The following CYB5R3 variants were observed in gnomAD, a reference collection of about 807,000 sequenced individuals.
CYB5R3 encodes NADH-cytochrome b5 reductase 3.
CYB5R3 carries 28 observed loss-of-function variants against 36.5 expected under a neutral mutation model. The ratio of observed to expected loss-of-function variants is 0.77; its 90% CI spans 0.57 to 1.05. The LOEUF (loss-of-function observed/expected upper bound fraction) is 1.05, where lower values mean the gene tolerates loss of function less well. Ranked by LOEUF, CYB5R3 falls within the 50% of genes least tolerant of loss-of-function variation. The pLI, the probability that CYB5R3 is intolerant of heterozygous loss-of-function variation, is 0.00. For missense variants in CYB5R3, 474 were observed against 408.9 expected, an observed-to-expected ratio of 1.16 and a Z score of -1.37; for synonymous variants, 181 against 159.8, an observed-to-expected ratio of 1.13 and a Z score of -1.00.
chr22:42,622,848 G>A (rs1226109466), intron 8 of CYB5R3, among the ~76,000 whole-genome samples: 1 of 152,260 alleles, frequency 6.6e-6, no homozygotes, highest in Non-Finnish European at 1.5e-5. Flanking sequence ...AGGGGCAGAT[G>A]GCAGGACATG....
In CYB5R3 at chr22:42,631,462, C is replaced by A; in HGVS notation, c.154-12G>T. 1 of 1,551,562 alleles carries A rather than the reference C, an allele frequency of 6.4e-7. No homozygotes were observed. Among genetic ancestry groups the A allele is most frequent in the South Asian group, 1.2e-5 (1 of 84,056 alleles). On this transcript the variant is annotated splice_polypyrimidine_tract_variant and intron_variant, in intron 2 of 8. Transcript: ENST00000352397. ...TCATGGCTGATGATCTGGAGAGAGG[C>A]CCAAAGCTGCTGAACGGTCCCCAGG...
chr22:42,643,802 A>T (rs1300571208), intron 1 of CYB5R3, among the ~76,000 whole-genome samples: 1 of 152,124 alleles, frequency 6.6e-6, no homozygotes, highest in Non-Finnish European at 1.5e-5. Context: ...CCAGCTAAGG[A>T]TGGCAGGAGA....
At position 42,627,295 on chromosome 22, in the gene CYB5R3, C is replaced by T. The variant is rs555699251; in HGVS notation, c.633+9G>A. The T allele has an allele frequency of 5.0e-6, 8 of 1,612,914 alleles. No homozygotes were observed. The East Asian group carries it at 1.3e-4, about 27-fold the overall frequency. ...GCTGAGTTTCCCCATCATGGGGATG[C>T]CCACTGACCTGGTTGGCAAAGAGCA... On this transcript the variant is annotated intron_variant, in intron 7 of 8. Coordinates refer to ENST00000352397, the MANE Select transcript of CYB5R3 (RefSeq NM_000398.7).
Position 42,649,363 on chromosome 22 carries a change from A to C in CYB5R3, c.-48T>G. The C allele has an allele frequency of 1.3e-6, 1 of 746,452 alleles. No individual in the cohort carries two copies. The highest frequency in any genetic ancestry group is 1.7e-6 in the Non-Finnish European group (1 of 600,710). The allele number at this position is 746,452 out of a possible 1,614,324, so 46.2% of individuals were successfully genotyped here. On this transcript the variant is annotated 5_prime_UTR_variant, in exon 1 of 9. Coordinates refer to ENST00000352397, the MANE Select transcript of CYB5R3 (RefSeq NM_000398.7). ...TCTGTCGCCGCCGCCGCCGCCGCCGAGACCGTCGCGCCCGGGCCCGCGTCA... is the reference window on the plus strand; with the variant it reads ...TCTGTCGCCGCCGCCGCCGCCGCCGCGACCGTCGCGCCCGGGCCCGCGTCA...
In CYB5R3 at chr22:42,619,665, G is replaced by T; in HGVS notation, c.*108C>A. 9.1e-7 allele frequency: 1 copy of T among 1,104,486 alleles called. No individual in the cohort carries two copies. The highest frequency in any genetic ancestry group is 1.3e-6 in the Non-Finnish European group (1 of 774,054). The allele number at this position is 1,104,486 out of a possible 1,614,324, so 68.4% of individuals were successfully genotyped here. A position where few individuals can be genotyped will look rare whatever the true frequency, so the allele number is the denominator to read the frequency against. ...AGGTGATTCACCAGGGCACGGGCAG[G>T]CCAGGCTGAACCCGGGGCCCCAGTG... is the stretch of plus-strand genomic sequence containing the variant. On this transcript the variant is annotated 3_prime_UTR_variant, in exon 9 of 9. Coordinates refer to ENST00000352397, the MANE Select transcript of CYB5R3 (RefSeq NM_000398.7).
At chr22:42,645,109 C>T (rs561699145) in intron 1 of CYB5R3, among the ~76,000 whole-genome samples, 1 of 152,198 alleles carries the variant, frequency 6.6e-6, no homozygotes, top group South Asian at 2.1e-4. Context: ...AAAAAGACAC[C>T]CGCGTATTAG....
At chr22:42,621,181 T>TGTGTGTGTG (rs1206839780) in intron 8 of CYB5R3, among the ~76,000 whole-genome samples, 1 of 127,972 alleles carries the variant, frequency 7.8e-6, no homozygotes, top group African/African-American at 3.3e-5. Flanking sequence ...CGATTTCTTT[T>TGTGTGTGTG]TAGTGTGTGT....
At position 42,627,391 on chromosome 22, in the gene CYB5R3, T is replaced by A. The variant is rs1928332536; in HGVS notation, c.548-2A>T. The A allele has an allele frequency of 6.2e-7, 1 of 1,613,462 alleles. No individual in the cohort carries two copies. Among genetic ancestry groups the A allele is most frequent in the African/African-American group, 1.3e-5 (1 of 75,040 alleles). ...TCACCTGCAGCATCGGGGTGATGCC[T>A]GCAAAATAGCCGGCCGGGCCTCGCA... On this transcript the variant is annotated splice_acceptor_variant, in intron 6 of 8. Transcript: ENST00000352397. LOFTEE classifies it high-confidence loss of function.
At chr22:42,635,395 C>T (rs530397204) in intron 2 of CYB5R3, among the ~76,000 whole-genome samples, 9 of 152,130 alleles carry the variant, frequency 5.9e-5, no homozygotes, top group South Asian at 2.1e-4. Flanking sequence ...TGAGCCACCA[C>T]GCCTGGCCTA....
chr22:42,626,063 C>CTT (rs1928251359), intron 7 of CYB5R3, among the ~76,000 whole-genome samples: 1 of 152,196 alleles, frequency 6.6e-6, no homozygotes, highest in South Asian at 2.1e-4. Flanking sequence ...AATCCCAACA[C>CTT]TTTGGGAGGC....
At chr22:42,623,122 G>A (rs1358867129) in intron 8 of CYB5R3, among the ~76,000 whole-genome samples, 1 of 152,238 alleles carries the variant, frequency 6.6e-6, no homozygotes, top group African/African-American at 2.4e-5. Context: ...CCTGGGGAAG[G>A]CTGAGCTCTG....
rs759899922 is a variant in CYB5R3 at position 42,627,345 on chromosome 22, G to A, written c.592C>T (p.Pro198Ser). 15 of 1,613,880 alleles carry A rather than the reference G, an allele frequency of 9.3e-6. No individual in the cohort carries two copies. The highest frequency in any genetic ancestry group is 1.3e-5 in the Non-Finnish European group (15 of 1,179,998). ...LQVIRAIMKD[P>S]DDHTVCHLLF... Reference sequence around the variant, plus strand: ...AGGTGGCACACAGTGTGGTCATCAGGGTCCTTCATGATGGCGCGGATCACC... The same window carrying A: ...AGGTGGCACACAGTGTGGTCATCAGAGTCCTTCATGATGGCGCGGATCACC... The change falls in exon 7 of 9, where the codon CCT becomes TCT. Residue 198 changes from proline to serine, a missense_variant. By Grantham distance (74) the Pro-to-Ser change is moderately conservative (BLOSUM62 -1). Transcript: ENST00000352397.
chr22:42,618,493 C>T lies in CYB5R3; in HGVS notation c.*1280G>A, dbSNP rs1051591023. The T allele has an allele frequency of 2.8e-5, 4 of 144,534 alleles. No homozygotes were observed. Among genetic ancestry groups the T allele is most frequent in the East Asian group, 2.0e-4 (1 of 5,010 alleles). The allele number at this position is 144,534 out of a possible 1,614,324, so 9.0% of individuals were successfully genotyped here. On this transcript the variant is annotated 3_prime_UTR_variant, in exon 9 of 9. Coordinates refer to ENST00000352397, the MANE Select transcript of CYB5R3 (RefSeq NM_000398.7). ...CGGAGCTTGCAGTGAGCCGAGATCC[C>T]GCCACTGCACTCCAGCCTGGGCGAC... is the stretch of plus-strand genomic sequence containing the variant.
intron 7 of CYB5R3, among the ~76,000 whole-genome samples, chr22:42,624,428 C>T (rs1182037480): frequency 2.0e-5 from 3 of 152,136 alleles, no homozygotes; most frequent in Non-Finnish European, 4.4e-5. Context: ...CTGGCCCCCT[C>T]GGGCCTTGCC....
intron 1 of CYB5R3, among the ~76,000 whole-genome samples, chr22:42,643,874 C>A (rs1241147394): frequency 3.9e-5 from 6 of 152,108 alleles, no homozygotes; most frequent in African/African-American, 1.4e-4. Flanking sequence ...AGGAGGCACA[C>A]AGCGGTCAGC....
At chr22:42,636,935 G>A (rs1928934671) in intron 1 of CYB5R3, 89 bp from the exon 2 acceptor site, 15 of 1,536,210 alleles carry the variant, frequency 9.8e-6, no homozygotes, top group South Asian at 2.4e-5. Flanking sequence ...CTCTGCTCAC[G>A]CTGCCCCCTC....
At chr22:42,642,396 A>G (rs764141604) in intron 1 of CYB5R3, among the ~76,000 whole-genome samples, 1 of 152,068 alleles carries the variant, frequency 6.6e-6, no homozygotes, top group Non-Finnish European at 1.5e-5. Flanking sequence ...TGCAGGTATA[A>G]GCCCCTGCGT....
At chr22:42,623,539 C>T (rs1314899845) in intron 8 of CYB5R3, among the ~76,000 whole-genome samples, 1 of 152,174 alleles carries the variant, frequency 6.6e-6, no homozygotes, top group African/African-American at 2.4e-5. Flanking sequence ...CAGTGCAGTG[C>T]GCCCGGGAAA....
chr22:42,627,349 C>A lies in CYB5R3; in HGVS notation c.588G>T (p.Lys196Asn). 1.2e-6 allele frequency: 2 copies of A among 1,613,994 alleles called. No homozygotes were observed. Among genetic ancestry groups the A allele is most frequent in the Non-Finnish European group, 1.7e-6 (2 of 1,179,986 alleles). ...GGCACACAGTGTGGTCATCAGGGTC[C>A]TTCATGATGGCGCGGATCACCTGCA... ...PMLQVIRAIM[K>N]DPDDHTVCHL... The change falls in exon 7 of 9, where the codon AAG (lysine) becomes AAT (asparagine). Residue 196 changes from lysine (K) to asparagine (N), a missense_variant. Physicochemically the swap from Lys to Asn is moderately conservative, Grantham distance 94. Transcript: ENST00000352397.
Sources: gnomAD v4.1 joint callset for allele counts (sites outside exome capture counted in the v4.1 genomes callset) on GRCh38, gnomAD v4.1.1 for gene constraint, MANE v1.5 for transcripts, NCBI Gene and HGNC (gene_info 2026-07-23, HGNC 2026-07-21) for gene names.